PLAGL1: variants seen among roughly 807,000 people sequenced by gnomAD.
The protein encoded by PLAGL1 is PLAG1 like zinc finger 1, also known as zinc finger protein PLAGL1.
A neutral mutation model predicts 4.6 loss-of-function variants in PLAGL1; 1 was observed. The ratio of observed to expected loss-of-function variants is 0.22; its 90% CI spans 0.08 to 1.03. The LOEUF (loss-of-function observed/expected upper bound fraction) is 1.03, where lower values mean the gene tolerates loss of function less well. PLAGL1 is among the 50% of genes least tolerant of loss of function. The pLI, the probability that PLAGL1 is intolerant of heterozygous loss-of-function variation, is 0.58. For synonymous variants in PLAGL1, 240 were observed against 237.8 expected (o/e 1.01, Z -0.08); for missense variants, 464 against 570.4 (o/e 0.81, Z 1.90).
In PLAGL1 at chr6:144,002,840, T is replaced by C. The variant is rs1034973755; in HGVS notation, c.-584+5250A>G. On this transcript the variant is annotated intron_variant, in intron 1 of 7. Coordinates refer to ENST00000674357, the MANE Select transcript of PLAGL1 (RefSeq NM_001317162.2). The stretch of plus-strand genomic sequence containing the variant: ...GTTAAAATGTTCACTTTCCCAAAGT[T>C]GCTCTGTAGAGTCAATGCAATCCCA... Among the ~76,000 whole-genome samples the C allele has an allele frequency of 3.3e-5, 5 of 151,354 alleles. No homozygotes were observed. In the East Asian group the frequency reaches 9.7e-4, roughly 29 times the overall value.
chr6:143,942,756 T>C lies in PLAGL1; in HGVS notation c.153-93A>G. On this transcript the variant is annotated intron_variant, in intron 7 of 7. Coordinates refer to ENST00000674357, the MANE Select transcript of PLAGL1 (RefSeq NM_001317162.2). The surrounding 1 kb of genome is among the most constrained non-coding windows in gnomAD (Gnocchi z 7.6). The stretch of plus-strand genomic sequence containing the variant: ...ATATTATATCAAAATGTTAATAGTT[T>C]TCTCTGGGTCTTGGTATAATTTTCA... 1 of 877,794 alleles carries C rather than the reference T, an allele frequency of 1.1e-6. No individual in the cohort carries two copies. Among genetic ancestry groups the C allele is most frequent in the Non-Finnish European group, 1.7e-6 (1 of 586,200 alleles). The allele number at this position is 877,794 out of a possible 1,614,324, so 54.4% of individuals were successfully genotyped here. A position where few individuals can be genotyped will look rare whatever the true frequency, so the allele number is the denominator to read the frequency against.
intron 1 of PLAGL1, among the ~76,000 whole-genome samples, chr6:144,031,318 T>C (rs2128707937): frequency 6.6e-6 from 1 of 152,366 alleles, no homozygotes; most frequent in South Asian, 2.1e-4. Flanking sequence ...ACTCTGCTAA[T>C]TGTTTCTTTT....
upstream of PLAGL1, among the ~76,000 whole-genome samples, chr6:144,010,116 C>G (rs1795054924): frequency 6.6e-6 from 1 of 152,172 alleles, no homozygotes; most frequent in Admixed American, 6.5e-5. The surrounding 1 kb of genome is among the most constrained non-coding windows in gnomAD (Gnocchi z 4.1). Flanking sequence ...GATGGTTGAA[C>G]CAATTTACAC....
At chr6:143,976,842 CTGA>C (rs1786661121) in intron 2 of PLAGL1, among the ~76,000 whole-genome samples, 1 of 151,806 alleles carries the variant, frequency 6.6e-6, no homozygotes, top group Non-Finnish European at 1.5e-5. Context: ...ATGACAATCT[CTGA>C]TGAGTTATTA....
In PLAGL1 at chr6:143,955,078, C is replaced by G. The variant is rs544559121; in HGVS notation, c.-325+5391G>C. The stretch of plus-strand genomic sequence containing the variant: ...ATGGACAGAATACAATTACATTGCT[C>G]TATAATGACATATGCATGAAAACAG... On this transcript the variant is annotated intron_variant, in intron 6 of 7. Coordinates refer to ENST00000674357, the MANE Select transcript of PLAGL1 (RefSeq NM_001317162.2). This position sits in a 1 kb window ranked among gnomAD's most constrained non-coding sequence, Gnocchi z 4.9. 6.6e-6 allele frequency among the ~76,000 whole-genome samples: 1 copy of G among 152,282 alleles called. No individual in the cohort carries two copies. Among genetic ancestry groups the G allele is most frequent in the African/African-American group, 2.4e-5 (1 of 41,556 alleles).
chr6:144,046,643 G>T (rs1487697213), intron 1 of PLAGL1, among the ~76,000 whole-genome samples: 1 of 152,198 alleles, frequency 6.6e-6, no homozygotes, highest in East Asian at 1.9e-4. Flanking sequence ...CTACACGGGG[G>T]TCAGGGACCC....
intron 1 of PLAGL1, among the ~76,000 whole-genome samples, chr6:143,986,182 A>C (rs1445083541): frequency 6.6e-6 from 1 of 151,636 alleles, no homozygotes; most frequent in African/African-American, 2.4e-5. Flanking sequence ...CCATCCCTCA[A>C]GGAAACCCAT....
Position 144,004,781 on chromosome 6 carries a change from T to C in PLAGL1, c.-584+3309A>G, listed in dbSNP as rs1370984364. 2.0e-5 allele frequency: 3 copies of C among 151,944 alleles called. No homozygotes were observed. The highest frequency in any genetic ancestry group is 7.2e-5 in the African/African-American group (3 of 41,400). 9.4% of individuals were successfully genotyped at this position (151,944 alleles called of 1,614,324 possible). A position where few individuals can be genotyped will look rare whatever the true frequency, so the allele number is the denominator to read the frequency against. ...AAAAATATATTAAATACATTAAATC[T>C]ACCTTAAAAGATGTGGGTGATAGAG... On this transcript the variant is annotated intron_variant, in intron 1 of 7. Coordinates refer to ENST00000674357, the MANE Select transcript of PLAGL1 (RefSeq NM_001317162.2). The surrounding 1 kb of genome is among the most constrained non-coding windows in gnomAD (Gnocchi z 4.2).
At position 144,055,527 on chromosome 6, in the gene PLAGL1, C is replaced by T. The variant is rs1460868169; in HGVS notation, c.-151+8941G>A. 1.3e-5 allele frequency among the ~76,000 whole-genome samples: 2 copies of T among 152,188 alleles called. No homozygotes were observed. Among genetic ancestry groups the T allele is most frequent in the African/African-American group, 4.8e-5 (2 of 41,436 alleles). On this transcript the variant is annotated intron_variant, in intron 1 of 3. Transcript: ENST00000437412. This position sits in a 1 kb window ranked among gnomAD's most constrained non-coding sequence, Gnocchi z 5.0. The stretch of plus-strand genomic sequence containing the variant: ...GCCTCTATCGTAGGACCCCCAACTA[C>T]CCTCAAGCCTGTGATTCTTTCTCCT...
chr6:144,063,605 A>G lies in PLAGL1; in HGVS notation c.-151+863T>C, dbSNP rs573047379. Among the ~76,000 whole-genome samples, 3 of 152,316 alleles carry G rather than the reference A, an allele frequency of 2.0e-5. No individual in the cohort carries two copies. In the East Asian group the frequency reaches 5.8e-4, roughly 29 times the overall value. On this transcript the variant is annotated intron_variant, in intron 1 of 3. Coordinates refer to the PLAGL1 transcript ENST00000437412. This position sits in a 1 kb window ranked among gnomAD's most constrained non-coding sequence, Gnocchi z 5.7. ...TCTTTCGGTGGCCACACAGATGCTC[A>G]ATGCCACGACCCTTGAATAACTGCC...
At chr6:143,996,380 T>C (rs761836417) in intron 1 of PLAGL1, among the ~76,000 whole-genome samples, 3 of 152,228 alleles carry the variant, frequency 2.0e-5, no homozygotes, top group Non-Finnish European at 4.4e-5. Context: ...AAAGCGCTTG[T>C]AAACAGAAAG....
intron 1 of PLAGL1, among the ~76,000 whole-genome samples, chr6:144,020,952 T>C (rs924025840): frequency 4.0e-5 from 6 of 148,780 alleles, no homozygotes; most frequent in Non-Finnish European, 8.9e-5. Flanking sequence ...ATATAACAAA[T>C]ATATGTATAT....
chr6:144,019,429 G>A (rs1017713105), intron 1 of PLAGL1, among the ~76,000 whole-genome samples: 4 of 151,532 alleles, frequency 2.6e-5, no homozygotes, highest in African/African-American at 4.9e-5. Context: ...CCGATATGGC[G>A]CCACTGCACT....
intron 1 of PLAGL1, among the ~76,000 whole-genome samples, chr6:144,001,669 T>C (rs1792913357): frequency 1.3e-5 from 2 of 152,096 alleles, no homozygotes; most frequent in Admixed American, 6.5e-5. Context: ...AAAAGTAACA[T>C]TACAATAAGA....
At position 144,004,597 on chromosome 6, in the gene PLAGL1, T is replaced by C. The variant is rs530615606; in HGVS notation, c.-584+3493A>G. 2.0e-5 allele frequency among the ~76,000 whole-genome samples: 3 copies of C among 152,268 alleles called. No homozygotes were observed. The highest frequency in any genetic ancestry group is 1.9e-4 in the East Asian group (1 of 5,194). On this transcript the variant is annotated intron_variant, in intron 1 of 7. Coordinates refer to ENST00000674357, the MANE Select transcript of PLAGL1 (RefSeq NM_001317162.2). This position sits in a 1 kb window ranked among gnomAD's most constrained non-coding sequence, Gnocchi z 4.2. ...TGACTGGGGGAAGCGAGTGGCTCCA[T>C]TGATAGGAAGGGGCAGAAGGAATGA...
chr6:143,961,428 CTG>C lies in PLAGL1; in HGVS notation c.-398-888_-398-887del, dbSNP rs1783357497. Reference sequence around the variant, plus strand: ...GATTTATTCACTTGCCTATTTTCTTCTGTGAATTTGATCAAAAAGGCTATGTC... The same window carrying C: ...GATTTATTCACTTGCCTATTTTCTTCTGAATTTGATCAAAAAGGCTATGTC... On this transcript the variant is annotated intron_variant, in intron 5 of 7. Coordinates refer to ENST00000674357, the MANE Select transcript of PLAGL1 (RefSeq NM_001317162.2). The surrounding 1 kb of genome is among the most constrained non-coding windows in gnomAD (Gnocchi z 6.5). 6.6e-6 allele frequency: 1 copy of C among 152,178 alleles called. No homozygotes were observed. The highest frequency in any genetic ancestry group is 2.4e-5 in the African/African-American group (1 of 41,426). 9.4% of individuals were successfully genotyped at this position (152,178 alleles called of 1,614,324 possible). A position where few individuals can be genotyped will look rare whatever the true frequency, so the allele number is the denominator to read the frequency against.
intron 6 of PLAGL1, among the ~76,000 whole-genome samples, chr6:143,956,974 G>A (rs1338508415): frequency 6.6e-6 from 1 of 152,188 alleles, no homozygotes; most frequent in African/African-American, 2.4e-5. Flanking sequence ...GGAAGCAAGG[G>A]GCTGGGACAG....
In PLAGL1 at chr6:143,942,163, G is replaced by A. The variant is rs1414195613; in HGVS notation, c.653C>T (p.Thr218Ile). Reference sequence around the variant, plus strand: ...GTGGAAGGTGCTCAGAAGGTCTCCGGTCTGCAAGCTCTCTTTCATCAGCTC... The same window carrying A: ...GTGGAAGGTGCTCAGAAGGTCTCCGATCTGCAAGCTCTCTTTCATCAGCTC... Reference protein sequence around the residue: ...SQELMKESLQTGDLLSTFHTI... With the variant: ...SQELMKESLQIGDLLSTFHTI... Residue 218 changes from threonine (T) to isoleucine (I), a missense_variant, in exon 8 of 8, where the codon ACC becomes ATC. Physicochemically the swap from Thr to Ile is moderately conservative, Grantham distance 89 (BLOSUM62 -1). This residue lies in a region of PLAGL1 where 248 missense variants were observed against 250.1 expected (regional missense o/e 0.99). Transcript: ENST00000674357. This position sits in a 1 kb window ranked among gnomAD's most constrained non-coding sequence, Gnocchi z 7.6. 1 of 1,614,174 alleles carries A rather than the reference G, an allele frequency of 6.2e-7. No individual in the cohort carries two copies. Among genetic ancestry groups the A allele is most frequent in the Non-Finnish European group, 8.5e-7 (1 of 1,180,028 alleles).
intron 1 of PLAGL1, among the ~76,000 whole-genome samples, chr6:144,029,855 C>G (rs922256051): frequency 1.3e-5 from 2 of 152,158 alleles, no homozygotes; most frequent in Non-Finnish European, 2.9e-5. Flanking sequence ...CACATTTCCA[C>G]TTTTAAGAAT....
Sources: gnomAD v4.1 joint callset for allele counts (sites outside exome capture counted in the v4.1 genomes callset) on GRCh38, gnomAD v4.1.1 for gene constraint, gnomAD v4.1.1 regional missense constraint, Gnocchi (gnomAD v3.1) non-coding constraint, MANE v1.5 for transcripts, NCBI Gene and HGNC (gene_info 2026-07-23, HGNC 2026-07-21) for gene names.